The following ZNF827 variants were observed in gnomAD, a reference collection of about 807,000 sequenced individuals.
ZNF827 encodes zinc finger protein 827.
Under a neutral mutation model 102.4 loss-of-function variants are expected in ZNF827, and 13 were observed. The observed-to-expected ratio is 0.13, with a 90% confidence interval of 0.08 to 0.20. The LOEUF (loss-of-function observed/expected upper bound fraction) is 0.20. Ranked by LOEUF, ZNF827 falls within the 10% of genes least tolerant of loss-of-function variation. The pLI, the probability that ZNF827 is intolerant of heterozygous loss-of-function variation, is 1.00. For synonymous variants in ZNF827, 523 were observed against 536.2 expected (o/e 0.98, Z 0.34); for missense variants, 1,103 against 1,344.4 (o/e 0.82, Z 2.81).
chr4:145,872,438 T>C (rs1480329057), intron 4 of ZNF827, among the ~76,000 whole-genome samples: 1 of 152,174 alleles, frequency 6.6e-6, no homozygotes, highest in African/African-American at 2.4e-5. Flanking sequence ...AAACCAAACC[T>C]GCTGACACCT....
rs780466409 is a variant in ZNF827, at chr4:145,892,445, A to C, written c.1094-30T>G. 3 of 1,586,480 alleles carry C rather than the reference A, an allele frequency of 1.9e-6. No individual in the cohort carries two copies. The South Asian group carries it at 3.4e-5, about 18-fold the overall frequency. ...GAAGAAGGAGAAAGAAAGGACCATTAAGGAAAACAAAAAGGTACACTGCAT... is the reference window on the plus strand; with the variant it reads ...GAAGAAGGAGAAAGAAAGGACCATTCAGGAAAACAAAAAGGTACACTGCAT... On this transcript the variant is annotated intron_variant, in intron 2 of 14. Coordinates refer to ENST00000508784, the MANE Select transcript of ZNF827 (RefSeq NM_001306215.2).
chr4:145,874,332 A>G (rs1748972112), intron 4 of ZNF827, among the ~76,000 whole-genome samples: 1 of 152,234 alleles, frequency 6.6e-6, no homozygotes, highest in Non-Finnish European at 1.5e-5. Context: ...TGTGCTGAGG[A>G]AATGTAAATA....
In ZNF827 at chr4:145,764,996, A is replaced by G; in HGVS notation, c.3222T>C (p.Gly1074=). 1.2e-6 allele frequency: 2 copies of G among 1,612,842 alleles called. No individual in the cohort carries two copies. Among genetic ancestry groups the G allele is most frequent in the Non-Finnish European group, 1.7e-6 (2 of 1,179,396 alleles). Reference sequence around the variant, plus strand: ...GTACTTGCTTTCCTTACTTGAGCCCACCGGTGGGGACAGTGTGGCATTTCT... The same window carrying G: ...GTACTTGCTTTCCTTACTTGAGCCCGCCGGTGGGGACAGTGTGGCATTTCT... ...EHKKCHTVPT[G]GLNSGQW Residue 1074 remains glycine, a synonymous_variant, in exon 13 of 15, where the codon GGT becomes GGC. Coordinates refer to ENST00000508784, the MANE Select transcript of ZNF827 (RefSeq NM_001306215.2).
At chr4:145,813,428 A>C (rs1226542491) in intron 8 of ZNF827, among the ~76,000 whole-genome samples, 1 of 152,106 alleles carries the variant, frequency 6.6e-6, no homozygotes, top group African/African-American at 2.4e-5. Flanking sequence ...ACTTTATCAT[A>C]GGTATGTGTG....
chr4:145,879,404 T>C (rs1749483509), intron 4 of ZNF827, among the ~76,000 whole-genome samples: 1 of 152,176 alleles, frequency 6.6e-6, no homozygotes, highest in Admixed American at 6.5e-5. Context: ...ATAACAACAG[T>C]AGTAAAAAGA....
chr4:145,895,995 C>T (rs1381879731), intron 2 of ZNF827, among the ~76,000 whole-genome samples: 2 of 152,182 alleles, frequency 1.3e-5, no homozygotes, highest in African/African-American at 4.8e-5. Flanking sequence ...TAAATTCCAT[C>T]AAATGCTAAG....
In ZNF827 at chr4:145,763,063, C is replaced by A; in HGVS notation, c.*17+27G>T. 1 of 1,534,670 alleles carries A rather than the reference C, an allele frequency of 6.5e-7. No homozygotes were observed. Among genetic ancestry groups the A allele is most frequent in the Non-Finnish European group, 8.7e-7 (1 of 1,145,948 alleles). On this transcript the variant is annotated intron_variant, in intron 14 of 14. Coordinates refer to ENST00000508784, the MANE Select transcript of ZNF827 (RefSeq NM_001306215.2). This position sits in a 1 kb window ranked among gnomAD's most constrained non-coding sequence, Gnocchi z 4.6. ...CCCATTCCCAGGTCAGGTGCACACA[C>A]AACCCCTACGCCAAGCTGGGCCTTA... is the stretch of plus-strand genomic sequence containing the variant.
intron 5 of ZNF827, among the ~76,000 whole-genome samples, chr4:145,854,771 C>T (rs1746900840): frequency 6.6e-6 from 1 of 152,222 alleles, no homozygotes; most frequent in Non-Finnish European, 1.5e-5. Flanking sequence ...AAACCCTATT[C>T]GGATGTCCCC....
intron 8 of ZNF827, among the ~76,000 whole-genome samples, chr4:145,780,829 G>T (rs1737864396): frequency 6.6e-6 from 1 of 152,192 alleles, no homozygotes; most frequent in Non-Finnish European, 1.5e-5. Flanking sequence ...TTAAAGCTCA[G>T]TACTGCATTA....
chr4:145,903,227 TAAGAAGATCAGGTTTACTCCCAAA>T lies in ZNF827; in HGVS notation c.44-36_44-13del. Reference sequence around the variant, plus strand: ...CTGCCTACTAACATCTGGGGAGAATTAAGAAGATCAGGTTTACTCCCAAAGTGAACAATAAGTAAGTCTCAAGAC... The same window carrying T: ...CTGCCTACTAACATCTGGGGAGAATTGTGAACAATAAGTAAGTCTCAAGAC... On this transcript the variant is annotated splice_polypyrimidine_tract_variant and intron_variant, in intron 1 of 14. Transcript: ENST00000508784. 2 of 1,594,236 alleles carry T rather than the reference TAAGAAGATCAGGTTTACTCCCAAA, an allele frequency of 1.3e-6. No homozygotes were observed. The highest frequency in any genetic ancestry group is 1.7e-6 in the Non-Finnish European group (2 of 1,167,774).
chr4:145,885,631 AGAGAGAG>A, intron 4 of ZNF827, 40 bp downstream of exon 4: 1 of 1,499,050 alleles, frequency 6.7e-7, no homozygotes, highest in South Asian at 1.4e-5. Flanking sequence ...AGAGAGAGAG[AGAGAGAG>A]AGAGAGAGAG....
intron 6 of ZNF827, among the ~76,000 whole-genome samples, chr4:145,848,924 C>CTTGGCA (rs1746245621): frequency 6.6e-6 from 1 of 152,080 alleles, no homozygotes; most frequent in African/African-American, 2.4e-5. Context: ...ATTCAGACCA[C>CTTGGCA]ACTAATTTGG....
chr4:145,810,334 A>G (rs1309177944), intron 8 of ZNF827, among the ~76,000 whole-genome samples: 1 of 152,172 alleles, frequency 6.6e-6, no homozygotes, highest in East Asian at 1.9e-4. Flanking sequence ...TCTAGAGATT[A>G]TTCATTATGG....
intron 1 of ZNF827, among the ~76,000 whole-genome samples, chr4:145,936,951 C>T (rs1053402022): frequency 5.3e-5 from 8 of 152,132 alleles, no homozygotes; most frequent in African/African-American, 1.9e-4. Context: ...TCCGTCTCCC[C>T]CGACCCCTCC....
intron 1 of ZNF827, among the ~76,000 whole-genome samples, chr4:145,937,146 G>T (rs1332488096): frequency 6.6e-6 from 1 of 152,118 alleles, no homozygotes; most frequent in South Asian, 2.1e-4. Flanking sequence ...TGGGGGGTTG[G>T]GGGGAGCTGG....
intron 1 of ZNF827, among the ~76,000 whole-genome samples, chr4:145,912,601 G>C (rs894811325): frequency 1.5e-4 from 23 of 152,180 alleles, no homozygotes; most frequent in Admixed American, 1.4e-3. Flanking sequence ...GAGGTCATTG[G>C]GGTGGACTCA....
At chr4:145,917,750 T>C (rs935026783) in intron 1 of ZNF827, among the ~76,000 whole-genome samples, 20 of 143,120 alleles carry the variant, frequency 1.4e-4, no homozygotes, top group African/African-American at 4.5e-4. Flanking sequence ...AACATTCATA[T>C]GCCATTTCCT....
Position 145,765,604 on chromosome 4 carries a change from T to A in ZNF827, c.2995A>T (p.Ile999Phe). The change falls in exon 12 of 15, where the codon ATC (isoleucine) becomes TTC (phenylalanine). Residue 999 changes from isoleucine to phenylalanine, a missense_variant. This residue lies in a region of ZNF827 where 242 missense variants were observed against 361.9 expected (regional missense o/e 0.67). Coordinates refer to ENST00000508784, the MANE Select transcript of ZNF827 (RefSeq NM_001306215.2). This position sits in a 1 kb window ranked among gnomAD's most constrained non-coding sequence, Gnocchi z 4.7. ...KNKGGNNLLV[I>F]SVMPGSQPSL... ...GGCTGGCTCCCAGGCATGACAGAGA[T>A]GACCAGCAGATTGTTCCCGCCCTTG... 6.2e-7 allele frequency: 1 copy of A among 1,614,094 alleles called. No homozygotes were observed. Among genetic ancestry groups the A allele is most frequent in the Non-Finnish European group, 8.5e-7 (1 of 1,180,010 alleles).
chr4:145,773,297 A>C (rs375496688), intron 11 of ZNF827, among the ~76,000 whole-genome samples: 1 of 152,206 alleles, frequency 6.6e-6, no homozygotes, highest in Non-Finnish European at 1.5e-5. Context: ...CTCACTTGGC[A>C]TAACGGCTCT....
Sources: allele counts gnomAD v4.1 joint callset (sites outside exome capture counted in the v4.1 genomes callset), GRCh38; gene constraint gnomAD v4.1.1; regional missense constraint gnomAD v4.1.1; non-coding constraint Gnocchi (gnomAD v3.1); transcripts MANE v1.5; gene names NCBI Gene and HGNC (gene_info 2026-07-23, HGNC 2026-07-21).